CFAP299: variants seen among roughly 807,000 people sequenced by gnomAD.
CFAP299 encodes cilia and flagella associated protein 299.
A neutral mutation model predicts 27.0 loss-of-function variants in CFAP299; 21 were observed. The observed-to-expected ratio is 0.78, with a 90% CI of 0.55 to 1.12. The LOEUF (loss-of-function observed/expected upper bound fraction) is 1.12. CFAP299 is among the 50% of genes most tolerant of loss of function. The pLI is 0.00. For missense variants in CFAP299, 310 were observed against 276.6 expected, an observed-to-expected ratio of 1.12 and a Z score of -0.86; for synonymous variants, 104 against 98.1, an observed-to-expected ratio of 1.06 and a Z score of -0.36.
chr4:80,353,683 C>A (rs1723118469), intron 1 of CFAP299, among the ~76,000 whole-genome samples: 1 of 152,052 alleles, frequency 6.6e-6, no homozygotes, highest in Admixed American at 6.6e-5. Flanking sequence ...TGTTGTGGGG[C>A]TTTCTCCCTG....
chr4:80,710,619 T>C (rs890683310), intron 3 of CFAP299, among the ~76,000 whole-genome samples: 7 of 147,750 alleles, frequency 4.7e-5, no homozygotes, highest in Non-Finnish European at 1.0e-4. Flanking sequence ...AGATTTTGAA[T>C]TCAAAATCCT....
chr4:80,563,597 G>A (rs1227251569), intron 2 of CFAP299, among the ~76,000 whole-genome samples: 1 of 151,252 alleles, frequency 6.6e-6, no homozygotes, highest in Non-Finnish European at 1.5e-5. Context: ...AACAAAAGAG[G>A]GAAAACTTCA....
At chr4:80,362,551 G>C (rs915442653) in intron 1 of CFAP299, among the ~76,000 whole-genome samples, 7 of 151,510 alleles carry the variant, frequency 4.6e-5, no homozygotes, top group Admixed American at 3.9e-4. Flanking sequence ...GGAAAGGGAA[G>C]ACCAAATCAG....
intron 3 of CFAP299, among the ~76,000 whole-genome samples, chr4:80,705,717 A>G (rs1721780732): frequency 6.6e-6 from 1 of 151,844 alleles, no homozygotes; most frequent in Non-Finnish European, 1.5e-5. Context: ...TGTTGCCTGA[A>G]TGCAATTTTT....
At chr4:80,393,061 G>A (rs1725576298) in intron 2 of CFAP299, among the ~76,000 whole-genome samples, 1 of 152,098 alleles carries the variant, frequency 6.6e-6, no homozygotes, top group Non-Finnish European at 1.5e-5. Context: ...TGATATTGAT[G>A]ATCCTGACCC....
chr4:80,862,623 A>G (rs1164283762), intron 3 of CFAP299, among the ~76,000 whole-genome samples: 1 of 152,080 alleles, frequency 6.6e-6, no homozygotes, highest in East Asian at 1.9e-4. Flanking sequence ...CCTCCCATCA[A>G]GAGAAGAAGT....
Position 80,910,617 on chromosome 4 carries a change from A to C in CFAP299, c.477-34193A>C, listed in dbSNP as rs138890424. On this transcript the variant is annotated intron_variant, in intron 4 of 5. Transcript: ENST00000358105. ...TGTTCTAACTTATAAATGGGAGCTAAATGATGAGAACACATGGACACAAAG... is the reference window on the plus strand; with the variant it reads ...TGTTCTAACTTATAAATGGGAGCTACATGATGAGAACACATGGACACAAAG... Among the ~76,000 whole-genome samples the C allele has an allele frequency of 3.2e-4, 49 of 152,272 alleles. No individual in the cohort carries two copies. In the East Asian group the frequency reaches 9.4e-3, roughly 29 times the overall value.
Position 80,737,329 on chromosome 4 carries a change from A to T in CFAP299, c.334-132664A>T, listed in dbSNP as rs115164188. ...AAAGTATAATAATAATAAATGAAAA[A>T]AAAATAAAATAAAAAAGCAGAAAAA... On this transcript the variant is annotated intron_variant, in intron 3 of 5. Transcript: ENST00000358105. Among the ~76,000 whole-genome samples the T allele has an allele frequency of 9.8e-3, 1,488 of 152,254 alleles. 20 individuals are homozygous for T. Among genetic ancestry groups the T allele is most frequent in the African/African-American group, 0.034 (1,423 of 41,548 alleles).
chr4:80,571,995 CA>C (rs923528478), intron 2 of CFAP299, among the ~76,000 whole-genome samples: 1 of 152,124 alleles, frequency 6.6e-6, no homozygotes, highest in African/African-American at 2.4e-5. Context: ...GATTCAATAG[CA>C]TTACAGATAC....
chr4:80,806,645 T>C (rs1267201065), intron 3 of CFAP299, among the ~76,000 whole-genome samples: 1 of 152,190 alleles, frequency 6.6e-6, no homozygotes, highest in Non-Finnish European at 1.5e-5. Flanking sequence ...TTGCAAAATG[T>C]CAACACAAAC....
intron 4 of CFAP299, among the ~76,000 whole-genome samples, chr4:80,908,180 T>C (rs1281791966): frequency 1.3e-5 from 2 of 152,190 alleles, no homozygotes; most frequent in Non-Finnish European, 2.9e-5. Context: ...GTCCAAAACA[T>C]TTAGTAAGTT....
At chr4:80,361,520 G>C (rs1340152474) in intron 1 of CFAP299, among the ~76,000 whole-genome samples, 1 of 152,114 alleles carries the variant, frequency 6.6e-6, no homozygotes, top group Non-Finnish European at 1.5e-5. Flanking sequence ...GGAGATATTT[G>C]CTCAGTTTTG....
At chr4:80,327,615 G>A in the CFAP299 span, among the ~76,000 whole-genome samples, 2 of 142,180 alleles carry the variant, frequency 1.4e-5, no homozygotes, top group East Asian at 2.1e-4. Context: ...TAGTGGCTGG[G>A]TGCATTGAGA....
intron 3 of CFAP299, among the ~76,000 whole-genome samples, chr4:80,820,237 A>C (rs1193358573): frequency 6.6e-6 from 1 of 152,184 alleles, no homozygotes; most frequent in African/African-American, 2.4e-5. Context: ...ATCAAAGGCC[A>C]GGTCTTTATG....
At chr4:80,561,162 A>T (rs969004488) in intron 2 of CFAP299, among the ~76,000 whole-genome samples, 9 of 152,142 alleles carry the variant, frequency 5.9e-5, no homozygotes, top group African/African-American at 2.2e-4. Context: ...AGAGAACAAC[A>T]GTCTCTGCCT....
At chr4:80,430,979 C>T (rs1211001950) in intron 2 of CFAP299, among the ~76,000 whole-genome samples, 6 of 152,194 alleles carry the variant, frequency 3.9e-5, no homozygotes, top group Non-Finnish European at 8.8e-5. Context: ...TCACATCCTT[C>T]AGGTTTGTTT....
chr4:80,386,317 C>A (rs1724985430), intron 2 of CFAP299: 1 of 1,329,662 alleles, frequency 7.5e-7, no homozygotes. Context: ...TCTGTGCCCA[C>A]CGCACCACCC....
intron 3 of CFAP299, among the ~76,000 whole-genome samples, chr4:80,691,072 G>T (rs1434577012): frequency 1.8e-5 from 2 of 110,852 alleles, no homozygotes; most frequent in Non-Finnish European, 3.7e-5. Flanking sequence ...ACCAAAAAGA[G>T]TCCAGGACCA....
At chr4:80,378,425 T>C (rs1331818844) in intron 2 of CFAP299, among the ~76,000 whole-genome samples, 3 of 152,010 alleles carry the variant, frequency 2.0e-5, no homozygotes, top group African/African-American at 7.2e-5. Context: ...CATTCTTTAA[T>C]GCACTGCATG....
Sources: gnomAD v4.1 joint callset for allele counts (sites outside exome capture counted in the v4.1 genomes callset) on GRCh38, gnomAD v4.1.1 for gene constraint, MANE v1.5 for transcripts, NCBI Gene and HGNC (gene_info 2026-07-23, HGNC 2026-07-21) for gene names.